The following GAK variants were observed in gnomAD, a reference collection of about 807,000 sequenced individuals.
GAK encodes cyclin-G-associated kinase.
Under a neutral mutation model 143.9 loss-of-function variants are expected in GAK, and 79 were observed. That is an observed-to-expected ratio of 0.55 (90% CI 0.46 to 0.66). The LOEUF (loss-of-function observed/expected upper bound fraction) is 0.66. GAK is among the 30% of genes least tolerant of loss of function. GAK has a pLI of 0.00. For synonymous variants in GAK, 881 were observed against 765.5 expected, an observed-to-expected ratio of 1.15 and a Z score of -2.49; for missense variants, 1,693 against 1,779.7, an observed-to-expected ratio of 0.95 and a Z score of 0.88.
At chr4:912,895 A>G (rs565250791) in intron 2 of GAK, 101 bp from the exon 3 acceptor site, 171 of 965,270 alleles carry the variant, frequency 1.8e-4, no homozygotes, top group Non-Finnish European at 2.5e-4. Context: ...GAGCAATGCA[A>G]TGTGTCTAAT....
rs749984140 is a variant in GAK, at chr4:890,592, C to T, written c.1021G>A (p.Ala341Thr). 2.4e-5 allele frequency: 39 copies of T among 1,611,252 alleles called. No homozygotes were observed. The highest frequency in any genetic ancestry group is 3.3e-4 in the Middle Eastern group (2 of 6,060). ...GGGGGTGGCCCTCGGGACAGTGTGG[C>T]GCTCCCGTAGCCTCCATTCTGCTCC... ...LLEQNGGYGS[A>T]TLSRGPPPPV... The change falls in exon 10 of 28, where the codon GCC becomes ACC. Residue 341 changes from alanine (A) to threonine (T), a missense_variant. Coordinates refer to ENST00000314167, the MANE Select transcript of GAK (RefSeq NM_005255.4).
At chr4:895,397 C>T (rs1718575289) in intron 7 of GAK, among the ~76,000 whole-genome samples, 30 of 152,242 alleles carry the variant, frequency 2.0e-4, no homozygotes, top group Admixed American at 2.0e-3. Context: ...CCAGGAGTGT[C>T]CTCGTGCGGG....
chr4:893,922 A>C lies in GAK; in HGVS notation c.829T>G (p.Ser277Ala). 6.2e-7 allele frequency: 1 copy of C among 1,612,628 alleles called. No individual in the cohort carries two copies. The highest frequency in any genetic ancestry group is 8.5e-7 in the Non-Finnish European group (1 of 1,179,544). Reference protein sequence around the residue: ...AKLRIVNGKYSIPPHDTQYTV... With the variant: ...AKLRIVNGKYAIPPHDTQYTV... Reference sequence around the variant, plus strand: ...TACTGCGTGTCGTGCGGGGGGATCGAGTACTTCCCATTGACTATTCGAAGT... The same window carrying C: ...TACTGCGTGTCGTGCGGGGGGATCGCGTACTTCCCATTGACTATTCGAAGT... Residue 277 changes from serine to alanine, a missense_variant, in exon 8 of 28, where the codon TCG becomes GCG. Around this residue, in one of 2 missense-constraint regions of GAK, gnomAD observed 871 missense variants for 991.0 expected, o/e 0.88. Transcript: ENST00000314167.
rs1298847964 is a variant in GAK at position 914,156 on chromosome 4, A to C, written c.146-488T>G. 9.8e-5 allele frequency: 9 copies of C among 91,736 alleles called. No homozygotes were observed. In the East Asian group the frequency reaches 3.9e-3, roughly 40 times the overall value. The allele number at this position is 91,736 out of a possible 1,614,324, so 5.7% of individuals were successfully genotyped here. ...CACAGCCCCAGCGTGCACGGCCCCC[A>C]CACACACAGCCCCAGCGTGCACGGC... On this transcript the variant is annotated intron_variant, in intron 1 of 27. Coordinates refer to ENST00000314167, the MANE Select transcript of GAK (RefSeq NM_005255.4).
intron 1 of GAK, among the ~76,000 whole-genome samples, chr4:920,438 G>C (rs1427394606): frequency 6.6e-6 from 1 of 151,812 alleles, no homozygotes; most frequent in Non-Finnish European, 1.5e-5. Context: ...GATGTGCATT[G>C]AACTCCTGGT....
At chr4:889,718 G>A (rs1307331751) in intron 10 of GAK, among the ~76,000 whole-genome samples, 3 of 152,326 alleles carry the variant, frequency 2.0e-5, no homozygotes, top group Non-Finnish European at 4.4e-5. Context: ...GCGGGGCGAG[G>A]TCGGGAGGGG....
chr4:856,708 TCAC>T (rs778748816), intron 24 of GAK, among the ~76,000 whole-genome samples: 17 of 151,348 alleles, frequency 1.1e-4, no homozygotes, highest in Admixed American at 2.0e-4. Context: ...CCACATTTGC[TCAC>T]CACCACAGCT....
intron 8 of GAK, 54 bp from the exon 9 acceptor site, chr4:893,543 C>G (rs372188162): frequency 7.6e-7 from 1 of 1,310,606 alleles, no homozygotes; most frequent in African/African-American, 1.5e-5. Flanking sequence ...CGGGTCAGCA[C>G]CCCCTGCACT....
intron 10 of GAK, 88 bp from the exon 11 acceptor site, chr4:889,058 G>A (rs921412755): frequency 2.9e-5 from 41 of 1,424,188 alleles, no homozygotes; most frequent in Non-Finnish European, 3.6e-5. Context: ...GGCCCCAGGC[G>A]CTCGGTCCCA....
At chr4:898,291 G>T in intron 5 of GAK, 133 bp from the exon 6 acceptor site, 1 of 976,898 alleles carries the variant, frequency 1.0e-6, no homozygotes, top group Non-Finnish European at 1.5e-6. Flanking sequence ...GCTGCCGGGT[G>T]CCTGCAGCAC....
At position 868,639 on chromosome 4, in the gene GAK, A is replaced by T; in HGVS notation, c.2295T>A (p.Asp765Glu). 2 of 1,567,066 alleles carry T rather than the reference A, an allele frequency of 1.3e-6. No homozygotes were observed. The highest frequency in any genetic ancestry group is 2.7e-5 in the African/African-American group (2 of 73,502). Residue 765 changes from aspartate to glutamate, a missense_variant, in exon 20 of 28, where the codon GAT (aspartate) becomes GAA (glutamate). Physicochemically the swap from Asp to Glu is conservative, Grantham distance 45. Around this residue, in one of 2 missense-constraint regions of GAK, gnomAD observed 822 missense variants for 788.7 expected, o/e 1.04. Coordinates refer to ENST00000314167, the MANE Select transcript of GAK (RefSeq NM_005255.4). ...PRQPGSTAQYDAGAGSPEAEP... is the reference protein window; with the variant it reads ...PRQPGSTAQYEAGAGSPEAEP... ...CGGCTTCCGGGGACCCTGCCCCAGCATCATACTGAGCCGTGGAGCCAGGCT... is the reference window on the plus strand; with the variant it reads ...CGGCTTCCGGGGACCCTGCCCCAGCTTCATACTGAGCCGTGGAGCCAGGCT...
At chr4:878,145 C>T (rs1035128856) in intron 15 of GAK, among the ~76,000 whole-genome samples, 1 of 152,154 alleles carries the variant, frequency 6.6e-6, no homozygotes, top group Non-Finnish European at 1.5e-5. Context: ...AATCCTAGCA[C>T]TTTGGGAGGC....
chr4:927,746 C>T (rs1190565539), intron 1 of GAK, among the ~76,000 whole-genome samples: 1 of 151,396 alleles, frequency 6.6e-6, no homozygotes, highest in Non-Finnish European at 1.5e-5. Context: ...CTGCGCTCTG[C>T]ACTGCCCCGC....
At chr4:917,965 T>C (rs1241172944) in intron 1 of GAK, among the ~76,000 whole-genome samples, 1 of 152,202 alleles carries the variant, frequency 6.6e-6, no homozygotes. Flanking sequence ...AGTCTTTCAT[T>C]AGATAGAGGA....
intron 7 of GAK, 34 bp downstream of exon 7, chr4:896,426 C>T (rs1342391452): frequency 2.5e-6 from 4 of 1,581,198 alleles, no homozygotes; most frequent in Non-Finnish European, 2.6e-6. Context: ...GCGCACGGAG[C>T]CAGGCACTGC....
intron 9 of GAK, among the ~76,000 whole-genome samples, chr4:892,217 C>T (rs1026466306): frequency 2.0e-5 from 3 of 152,218 alleles, no homozygotes; most frequent in African/African-American, 7.2e-5. Context: ...TGCAGTGGCC[C>T]CTGGAAGTTC....
chr4:874,699 C>T (rs942863265), intron 18 of GAK, among the ~76,000 whole-genome samples: 7 of 151,872 alleles, frequency 4.6e-5, no homozygotes, highest in Non-Finnish European at 8.8e-5. Flanking sequence ...TCTTTGGCGT[C>T]TGCAGAGCTT....
chr4:888,287 C>A (rs1047020327), intron 11 of GAK: 5 of 152,618 alleles, frequency 3.3e-5, no homozygotes, highest in African/African-American at 1.2e-4. Flanking sequence ...GAAGAGCCAG[C>A]GCATGGACCC....
At chr4:850,914 G>A in intron 26 of GAK, 22 bp downstream of exon 26, 4 of 1,607,250 alleles carry the variant, frequency 2.5e-6, no homozygotes, top group Non-Finnish European at 3.4e-6. Flanking sequence ...GGGCTCCCAG[G>A]AAGAGCTGCC....
Sources: allele counts gnomAD v4.1 joint callset (sites outside exome capture counted in the v4.1 genomes callset), GRCh38; gene constraint gnomAD v4.1.1; regional missense constraint gnomAD v4.1.1; transcripts MANE v1.5; gene names NCBI Gene and HGNC (gene_info 2026-07-23, HGNC 2026-07-21).